The following RFNG variants were observed in gnomAD, a reference collection of about 807,000 sequenced individuals.
RFNG encodes the protein beta-1,3-N-acetylglucosaminyltransferase radical fringe.
In RFNG, 37 loss-of-function variants were observed where a neutral mutation model predicts 29.6. That is an observed-to-expected ratio of 1.25 (90% CI 0.96 to 1.65). The LOEUF is 1.65. RFNG is among the 40% of genes most tolerant of loss of function. RFNG has a pLI of 0.00. For missense variants in RFNG, 546 were observed against 457.0 expected, an observed-to-expected ratio of 1.19 and a Z score of -1.78; for synonymous variants, 276 against 197.3, an observed-to-expected ratio of 1.40 and a Z score of -3.34.
At position 82,051,324 on chromosome 17, in the gene RFNG, C is replaced by G; in HGVS notation, c.286G>C (p.Gly96Arg). Residue 96 changes from glycine (G) to arginine (R), a missense_variant, in exon 2 of 8, where the codon GGG (glycine) becomes CGG (arginine). Transcript: ENST00000310496. This position sits in a 1 kb window ranked among gnomAD's most constrained non-coding sequence, Gnocchi z 4.1. ...ARQQTFIFTD[G>R]DDPELELQGG... ...TGGAGCTCGAGCTCAGGGTCGTCCC[C>G]GTCGGTGAAGATAAACGTCTGGGGG... 2.8e-6 allele frequency: 4 copies of G among 1,446,652 alleles called. No homozygotes were observed. Among genetic ancestry groups the G allele is most frequent in the Non-Finnish European group, 3.6e-6 (4 of 1,105,284 alleles). The allele number at this position is 1,446,652 out of a possible 1,614,324, so 89.6% of individuals were successfully genotyped here.
Position 82,048,753 on chromosome 17 carries a change from C to T in RFNG, c.969G>A (p.Gln323=). 4 of 1,613,188 alleles carry T rather than the reference C, an allele frequency of 2.5e-6. No homozygotes were observed. The highest frequency in any genetic ancestry group is 3.4e-6 in the Non-Finnish European group (4 of 1,179,854). ...ACCGAGAGGTCGGGGCGCCCTGTTT[C>T]TGCCTGGGACACCAGTCCGTGTCTG... is the stretch of plus-strand genomic sequence containing the variant. ...LYPDTDWCPR[Q]KQGAPTSR Residue 323 remains glutamine (Q), a synonymous_variant, in exon 8 of 8, where the codon CAG becomes CAA. Coordinates refer to ENST00000310496, the MANE Select transcript of RFNG (RefSeq NM_002917.2).
rs1425062744 is a variant in RFNG, at chr17:82,050,115, C to T, written c.574-109G>A. 3.0e-6 allele frequency: 3 copies of T among 1,012,282 alleles called. No individual in the cohort carries two copies. In the African/African-American group the frequency reaches 4.8e-5, roughly 16 times the overall value. 62.7% of individuals were successfully genotyped at this position (1,012,282 alleles called of 1,614,324 possible). A position where few individuals can be genotyped will look rare whatever the true frequency, so the allele number is the denominator to read the frequency against. On this transcript the variant is annotated intron_variant, in intron 4 of 7. Coordinates refer to ENST00000310496, the MANE Select transcript of RFNG (RefSeq NM_002917.2). ...TAAGCTGCCCCTTAGGAGATCCCACCCAGGTAACAGAAGCTTCTTGGAGCA... is the reference window on the plus strand; with the variant it reads ...TAAGCTGCCCCTTAGGAGATCCCACTCAGGTAACAGAAGCTTCTTGGAGCA...
At chr17:82,049,180 G>A (rs776603528) in intron 6 of RFNG, 64 bp from the exon 7 acceptor site, 424 of 1,349,390 alleles carry the variant, frequency 3.1e-4, no homozygotes, top group Non-Finnish European at 3.8e-4. Context: ...GCCTGCCCCT[G>A]GCCAGGAGCC....
At chr17:82,049,496 C>T in intron 6 of RFNG, 181 bp downstream of exon 6, 1 of 760,480 alleles carries the variant, frequency 1.3e-6, no homozygotes, top group South Asian at 1.5e-5. Flanking sequence ...CACCATACCC[C>T]ATCTGTACGT....
chr17:82,050,458 G>A lies in RFNG; in HGVS notation c.517C>T (p.Arg173Trp), dbSNP rs564843474. 27 of 1,612,482 alleles carry A rather than the reference G, an allele frequency of 1.7e-5. No homozygotes were observed. The South Asian group carries it at 1.8e-4, about 10-fold the overall frequency. ...FSPSQDVYLGRPSLDHPIEAT... is the reference protein window; with the variant it reads ...FSPSQDVYLGWPSLDHPIEAT... ...TCAATGGGGTGGTCCAGGCTGGGCC[G>A]CCCCAGGTAGACGTCCTGGCTGGGT... is the stretch of plus-strand genomic sequence containing the variant. The change falls in exon 4 of 8, where the codon CGG becomes TGG. Residue 173 changes from arginine (R) to tryptophan (W), a missense_variant. Arg to Trp is a moderately radical substitution (Grantham distance 101). Transcript: ENST00000310496.
rs1185191603 is a variant in RFNG at position 82,048,160 on chromosome 17, G to A, written c.*566C>T. 1.3e-5 allele frequency: 2 copies of A among 156,598 alleles called. No homozygotes were observed. The highest frequency in any genetic ancestry group is 2.4e-5 in the African/African-American group (1 of 41,470). The allele number at this position is 156,598 out of a possible 1,614,324, so 9.7% of individuals were successfully genotyped here. ...ACATCTCTGTGGTCCCAGTCAAGAG[G>A]CCTCCGAATGAGGCGCCTGGACTGG... On this transcript the variant is annotated 3_prime_UTR_variant, in exon 8 of 8. Transcript: ENST00000310496.
intron 2 of RFNG, 45 bp from the exon 3 acceptor site, chr17:82,050,809 G>A: frequency 6.3e-7 from 1 of 1,588,290 alleles, no homozygotes. Flanking sequence ...GATGGCACTG[G>A]GGTTGGGGTA....
chr17:82,051,148 C>T lies in RFNG; in HGVS notation c.316+146G>A, dbSNP rs965534852. On this transcript the variant is annotated intron_variant, in intron 2 of 7. Transcript: ENST00000310496. This position sits in a 1 kb window ranked among gnomAD's most constrained non-coding sequence, Gnocchi z 4.1. ...GGCAGGGTGGGCCCTCCGCAGGCCG[C>T]GTGACCTGGGCAGCGTCGGGGCCTC... 37 of 1,312,246 alleles carry T rather than the reference C, an allele frequency of 2.8e-5. No individual in the cohort carries two copies. The highest frequency in any genetic ancestry group is 3.6e-5 in the Non-Finnish European group (37 of 1,031,770). The allele number at this position is 1,312,246 out of a possible 1,614,324, so 81.3% of individuals were successfully genotyped here. A position where few individuals can be genotyped will look rare whatever the true frequency, so the allele number is the denominator to read the frequency against.
chr17:82,048,949 G>A (rs533861256), intron 7 of RFNG, 82 bp downstream of exon 7: 16 of 1,470,326 alleles, frequency 1.1e-5, no homozygotes, highest in South Asian at 3.5e-5. Flanking sequence ...AGGGAGCAGC[G>A]GGGGTCAGGG....
chr17:82,048,409 T>C lies in RFNG; in HGVS notation c.*317A>G. 5.1e-6 allele frequency: 2 copies of C among 390,860 alleles called. No individual in the cohort carries two copies. Among genetic ancestry groups the C allele is most frequent in the Admixed American group, 3.8e-5 (1 of 26,136 alleles). The allele number at this position is 390,860 out of a possible 1,614,324, so 24.2% of individuals were successfully genotyped here. ...TCAGCAACAGGTAATGGAGCCCGGA[T>C]GGCAGCTCCCTCCCAGGTGCGCAAG... is the stretch of plus-strand genomic sequence containing the variant. On this transcript the variant is annotated 3_prime_UTR_variant, in exon 8 of 8. Transcript: ENST00000310496.
At chr17:82,050,930 G>A in intron 2 of RFNG, 166 bp from the exon 3 acceptor site, 1 of 1,411,604 alleles carries the variant, frequency 7.1e-7, no homozygotes, top group South Asian at 1.5e-5. Context: ...CGCTGACCCT[G>A]CTGGTGCCAC....
chr17:82,051,372 G>A lies in RFNG; in HGVS notation c.268-30C>T, dbSNP rs1028595259. ...GGGAGAAACAATCTATGAGGCTTCTGGGGCGCTGCCCAGGCCGGAGACCGA... is the reference window on the plus strand; with the variant it reads ...GGGAGAAACAATCTATGAGGCTTCTAGGGCGCTGCCCAGGCCGGAGACCGA... On this transcript the variant is annotated intron_variant, in intron 1 of 7. Transcript: ENST00000310496. The surrounding 1 kb of genome is among the most constrained non-coding windows in gnomAD (Gnocchi z 4.1). 9.6e-6 allele frequency: 14 copies of A among 1,453,722 alleles called. No homozygotes were observed. The highest frequency in any genetic ancestry group is 3.0e-5 in the African/African-American group (2 of 67,184). 90.1% of individuals were successfully genotyped at this position (1,453,722 alleles called of 1,614,324 possible).
rs751515518 is a variant in RFNG, at chr17:82,049,929, G to C, written c.651C>G (p.Ser217Arg). 6.2e-7 allele frequency: 1 copy of C among 1,612,148 alleles called. No homozygotes were observed. The highest frequency in any genetic ancestry group is 8.5e-7 in the Non-Finnish European group (1 of 1,179,722). ...CLSRGLALKM[S>R]PWASLGSFMS... The stretch of plus-strand genomic sequence containing the variant: ...GGACCCCCACTCACCTGGCCCATGG[G>C]CTCATCTTGAGGGCAAGGCCTCTGC... The change falls in exon 5 of 8, where the codon AGC becomes AGG. Residue 217 changes from serine (S) to arginine (R), a missense_variant. Coordinates refer to ENST00000310496, the MANE Select transcript of RFNG (RefSeq NM_002917.2).
rs2030587618 is a variant in RFNG, at chr17:82,051,544, G to A, written c.223C>T (p.Leu75=). The A allele has an allele frequency of 2.9e-6, 4 of 1,400,816 alleles. No homozygotes were observed. Among genetic ancestry groups the A allele is most frequent in the Non-Finnish European group, 3.7e-6 (4 of 1,073,088 alleles). 86.8% of individuals were successfully genotyped at this position (1,400,816 alleles called of 1,614,324 possible). Residue 75 remains leucine, a synonymous_variant, in exon 1 of 8, where the codon CTG becomes TTG. Coordinates refer to ENST00000310496, the MANE Select transcript of RFNG (RefSeq NM_002917.2). This position sits in a 1 kb window ranked among gnomAD's most constrained non-coding sequence, Gnocchi z 4.1. ...KTTRKNHGPR[L]RLLLRTWISR... ...ATCCAGGTGCGCAGCAGCAGCCGCA[G>A]GCGCGGCCCGTGGTTCTTCCGGGTG...
At position 82,048,687 on chromosome 17, in the gene RFNG, G is replaced by C. The variant is rs201250459; in HGVS notation, c.*39C>G. ...TAGGGGGCTCTGGTTCCCCGCGCCT[G>C]GGACAGAGCCAGGCAGCCCTGGGTC... On this transcript the variant is annotated 3_prime_UTR_variant, in exon 8 of 8. Coordinates refer to ENST00000310496, the MANE Select transcript of RFNG (RefSeq NM_002917.2). 3 of 1,564,766 alleles carry C rather than the reference G, an allele frequency of 1.9e-6. No individual in the cohort carries two copies. The East Asian group carries it at 6.7e-5, about 35-fold the overall frequency.
intron 7 of RFNG, 93 bp from the exon 8 acceptor site, chr17:82,048,900 G>A (rs577952720): frequency 3.0e-4 from 431 of 1,426,854 alleles, no homozygotes; most frequent in Middle Eastern, 5.7e-4. Context: ...GGTCAGGGCC[G>A]TGGGTACAGG....
At chr17:82,050,830 C>T (rs931463250) in intron 2 of RFNG, 66 bp from the exon 3 acceptor site, 5 of 1,530,810 alleles carry the variant, frequency 3.3e-6, no homozygotes, top group African/African-American at 1.4e-5. Flanking sequence ...AGGCCTGTGC[C>T]CCACCTGCCC....
chr17:82,050,950 A>T (rs2144232208), intron 2 of RFNG, 186 bp from the exon 3 acceptor site: 1 of 1,424,478 alleles, frequency 7.0e-7, no homozygotes, highest in Non-Finnish European at 9.2e-7. Flanking sequence ...CCGAGGCTGA[A>T]GCAGGCGGCC....
In RFNG at chr17:82,048,246, C is replaced by T; in HGVS notation, c.*480G>A. On this transcript the variant is annotated 3_prime_UTR_variant, in exon 8 of 8. Transcript: ENST00000310496. The stretch of plus-strand genomic sequence containing the variant: ...GCCTGAGTCCCACTGTGGTGCCCGG[C>T]CGTGCACCCAGCCTGCGGCAGAGAG... The T allele has an allele frequency of 5.3e-6, 1 of 188,542 alleles. No individual in the cohort carries two copies. The highest frequency in any genetic ancestry group is 1.1e-5 in the Non-Finnish European group (1 of 89,886). 11.7% of individuals were successfully genotyped at this position (188,542 alleles called of 1,614,324 possible).
Sources: gnomAD v4.1 joint callset for allele counts on GRCh38, gnomAD v4.1.1 for gene constraint, Gnocchi (gnomAD v3.1) non-coding constraint, MANE v1.5 for transcripts, NCBI Gene and HGNC (gene_info 2026-07-23, HGNC 2026-07-21) for gene names.